Variants in DOCK8 observed in about 807,000 individuals in gnomAD.
DOCK8 encodes the protein dedicator of cytokinesis 8, also known as dedicator of cytokinesis protein 8.
In DOCK8, 141 loss-of-function variants were observed where a neutral mutation model predicts 245.6. That is an observed-to-expected ratio of 0.57 (90% CI 0.50 to 0.66). The LOEUF (loss-of-function observed/expected upper bound fraction) is 0.66. Among genes scored for constraint, DOCK8 ranks in the 30% least tolerant of loss-of-function variants. The pLI, the probability that DOCK8 is intolerant of heterozygous loss-of-function variation, is 0.00. For synonymous variants in DOCK8, 1,168 were observed against 970.2 expected (o/e 1.20, Z -3.79); for missense variants, 2,965 against 2,603.4 (o/e 1.14, Z -3.02).
At position 242,892 on chromosome 9, in the gene DOCK8, C is replaced by T. The variant is rs189902514; in HGVS notation, c.53+27863C>T. ...AGGATTTACTTTCAAGAAAGTTGGA[C>T]GCTGTCCACTCTAAACAGTACCAGA... On this transcript the variant is annotated intron_variant, in intron 1 of 47. Coordinates refer to ENST00000432829, the MANE Select transcript of DOCK8 (RefSeq NM_203447.4). 1.1e-3 allele frequency among the ~76,000 whole-genome samples: 170 copies of T among 151,992 alleles called. 1 individual carries two copies. Among genetic ancestry groups the T allele is most frequent in the Admixed American group, 9.6e-3 (147 of 15,284 alleles).
At chr9:420,769 G>A (rs969389411) in intron 31 of DOCK8, among the ~76,000 whole-genome samples, 180 bp from the exon 32 acceptor site, 1 of 152,184 alleles carries the variant, frequency 6.6e-6, no homozygotes, top group Admixed American at 6.5e-5. Flanking sequence ...TCTGCCTTCT[G>A]CAGAGAGAAC....
Position 400,044 on chromosome 9 carries a change from C to CAGCACT in DOCK8, c.3234+785_3234+786insAGCACT, listed in dbSNP as rs796538594. Among the ~76,000 whole-genome samples the CAGCACT allele has an allele frequency of 8.4e-4, 78 of 92,802 alleles. 1 individual carries two copies. Among genetic ancestry groups the CAGCACT allele is most frequent in the Middle Eastern group, 5.7e-3 (1 of 176 alleles). The allele number at this position is 92,802 out of a possible 152,430, so 60.9% of individuals were successfully genotyped here. A position where few individuals can be genotyped will look rare whatever the true frequency, so the allele number is the denominator to read the frequency against. ...CCACCTCCACCATCACCACCACCAC[C>CAGCACT]TCCACCATCACCACCTCCTTCACCA... is the stretch of plus-strand genomic sequence containing the variant. On this transcript the variant is annotated intron_variant, in intron 26 of 47. Transcript: ENST00000432829.
chr9:453,787 C>T (rs1303417349), intron 46 of DOCK8, among the ~76,000 whole-genome samples: 2 of 151,990 alleles, frequency 1.3e-5, no homozygotes, highest in Non-Finnish European at 2.9e-5. Flanking sequence ...GTCTTGAATT[C>T]CTGGGCTCAG....
chr9:392,252 A>G (rs985489428), intron 24 of DOCK8, among the ~76,000 whole-genome samples: 1 of 152,172 alleles, frequency 6.6e-6, no homozygotes, highest in African/African-American at 2.4e-5. Flanking sequence ...GAACAATAGG[A>G]CACAGAGAAC....
chr9:301,542 A>G (rs2049546095), intron 4 of DOCK8, among the ~76,000 whole-genome samples: 1 of 152,238 alleles, frequency 6.6e-6, no homozygotes, highest in Non-Finnish European at 1.5e-5. Flanking sequence ...ACAGGAAGAG[A>G]GGAAGTCAAA....
At chr9:457,417 C>T (rs4740777) in intron 46 of DOCK8, among the ~76,000 whole-genome samples, 1 of 152,188 alleles carries the variant, frequency 6.6e-6, no homozygotes, top group Non-Finnish European at 1.5e-5. Context: ...TTCATACATA[C>T]TAAGGGATCA....
intron 24 of DOCK8, among the ~76,000 whole-genome samples, chr9:391,633 T>A (rs1203687733): frequency 6.6e-6 from 1 of 152,090 alleles, no homozygotes; most frequent in African/African-American, 2.4e-5. Context: ...AAAATAAACA[T>A]TTTCTCAATG....
chr9:408,420 A>G (rs551332294), intron 28 of DOCK8, among the ~76,000 whole-genome samples: 387 of 152,300 alleles, frequency 2.5e-3, no homozygotes, highest in African/African-American at 8.9e-3. Context: ...ATATCCTTTG[A>G]GAACTTCACT....
chr9:334,161 G>C, intron 10 of DOCK8, 64 bp from the exon 11 acceptor site: 2 of 1,584,582 alleles, frequency 1.3e-6, no homozygotes, highest in African/African-American at 1.3e-5. Context: ...GTCATATTCA[G>C]GTCAGAGGCA....
At chr9:253,651 G>A (rs1225196489) in intron 1 of DOCK8, among the ~76,000 whole-genome samples, 2 of 152,158 alleles carry the variant, frequency 1.3e-5, no homozygotes, top group Non-Finnish European at 2.9e-5. Context: ...TCTTCTTGTG[G>A]GGAATACCTT....
chr9:322,681 T>G (rs988013993), intron 7 of DOCK8, among the ~76,000 whole-genome samples: 10 of 152,376 alleles, frequency 6.6e-5, no homozygotes, highest in Non-Finnish European at 1.3e-4. Context: ...GAGGACTTAC[T>G]ACTCAGTACC....
chr9:378,995 C>T (rs750175162), intron 20 of DOCK8, among the ~76,000 whole-genome samples: 6 of 152,106 alleles, frequency 3.9e-5, no homozygotes, highest in Non-Finnish European at 7.3e-5. Flanking sequence ...GGGACTTGTG[C>T]TGAGATTCAC....
At chr9:392,824 C>A (rs1050449793) in intron 24 of DOCK8, among the ~76,000 whole-genome samples, 3 of 151,980 alleles carry the variant, frequency 2.0e-5, no homozygotes, top group Non-Finnish European at 4.4e-5. Context: ...TGAGAAGTAT[C>A]AAAACCGTCA....
Position 405,027 on chromosome 9 carries a change from A to T in DOCK8, c.3344A>T (p.Asn1115Ile), listed in dbSNP as rs1189195715. The T allele has an allele frequency of 6.2e-7, 1 of 1,613,948 alleles. No homozygotes were observed. Among genetic ancestry groups the T allele is most frequent in the Non-Finnish European group, 8.5e-7 (1 of 1,179,948 alleles). Residue 1115 changes from asparagine (N) to isoleucine (I), a missense_variant, in exon 27 of 48, where the codon AAT (asparagine) becomes ATT (isoleucine). This residue lies in a region of DOCK8 where 2,825 missense variants were observed against 2,453.5 expected (regional missense o/e 1.15). Coordinates refer to ENST00000432829, the MANE Select transcript of DOCK8 (RefSeq NM_203447.4). ...HYLNLNLFFM[N>I]ADTAPTSPCP... ...CTCAATCTGAACCTTTTTTTTATGA[A>T]TGCTGATACTGCTCCAACATCTCCT...
chr9:433,467 A>G (rs1293004097), intron 37 of DOCK8, among the ~76,000 whole-genome samples: 3 of 152,200 alleles, frequency 2.0e-5, no homozygotes, highest in Non-Finnish European at 4.4e-5. Context: ...AAGCCCTGGG[A>G]AGATCCAGGA....
At chr9:229,393 G>A (rs1174697929) in intron 1 of DOCK8, among the ~76,000 whole-genome samples, 1 of 152,184 alleles carries the variant, frequency 6.6e-6, no homozygotes, top group Non-Finnish European at 1.5e-5. Context: ...GTCTGGAAGA[G>A]CTAAACATAG....
intron 7 of DOCK8, among the ~76,000 whole-genome samples, chr9:323,663 T>C (rs976440691): frequency 6.6e-6 from 1 of 152,196 alleles, no homozygotes; most frequent in Non-Finnish European, 1.5e-5. Flanking sequence ...AATAACTCCT[T>C]ATTCTCCCTA....
At chr9:286,393 C>G (rs2048824527) in intron 2 of DOCK8, 68 bp from the exon 3 acceptor site, 3 of 1,552,940 alleles carry the variant, frequency 1.9e-6, no homozygotes, top group Admixed American at 1.8e-5. Context: ...CAAACATCTA[C>G]TATTGCCTTT....
intron 1 of DOCK8, chr9:215,377 C>T (rs778606690): frequency 6.3e-7 from 1 of 1,589,534 alleles, no homozygotes; most frequent in South Asian, 1.1e-5. Context: ...CCGTGTTGGG[C>T]GCGCCACGGA....
Sources: gnomAD v4.1 joint callset for allele counts (sites outside exome capture counted in the v4.1 genomes callset) on GRCh38, gnomAD v4.1.1 for gene constraint, gnomAD v4.1.1 regional missense constraint, MANE v1.5 for transcripts, NCBI Gene and HGNC (gene_info 2026-07-23, HGNC 2026-07-21) for gene names.